The following IL6R variants were observed in gnomAD, a reference collection of about 807,000 sequenced individuals.
The protein encoded by IL6R is interleukin-6 receptor subunit alpha.
A neutral mutation model predicts 48.3 loss-of-function variants in IL6R; 38 were observed. That is an observed-to-expected ratio of 0.79 (90% CI 0.61 to 1.03). The LOEUF (loss-of-function observed/expected upper bound fraction) is 1.03, where lower values mean the gene tolerates loss of function less well. Among genes scored for constraint, IL6R ranks in the 50% least tolerant of loss-of-function variants. IL6R has a pLI of 0.00. For missense variants in IL6R, 534 were observed against 618.3 expected (o/e 0.86, Z 1.45); for synonymous variants, 264 against 256.2 (o/e 1.03, Z -0.29).
chr1:154,435,627 G>T (rs1358266661), intron 5 of IL6R, among the ~76,000 whole-genome samples: 2 of 152,194 alleles, frequency 1.3e-5, no homozygotes, highest in African/African-American at 4.8e-5. Context: ...AGCCTTGGTG[G>T]TATATCATTT....
At position 154,465,257 on chromosome 1, in the gene IL6R, C is replaced by T; in HGVS notation, c.1284C>T (p.Ile428=). ...CCACCCCAGTGCTTGTTCCTCTCAT[C>T]TCCCCACCGGTGTCCCCCAGCAGCC... ...PRPTPVLVPL[I]SPPVSPSSLG... Residue 428 remains isoleucine, a synonymous_variant, in exon 10 of 10, where the codon ATC becomes ATT. Coordinates refer to ENST00000368485, the MANE Select transcript of IL6R (RefSeq NM_000565.4). 1 of 1,614,210 alleles carries T rather than the reference C, an allele frequency of 6.2e-7. No individual in the cohort carries two copies. Among genetic ancestry groups the T allele is most frequent in the Non-Finnish European group, 8.5e-7 (1 of 1,180,036 alleles).
chr1:154,447,933 C>T (rs184399997), intron 6 of IL6R, among the ~76,000 whole-genome samples, 192 bp from the exon 7 acceptor site: 15 of 152,156 alleles, frequency 9.9e-5, no homozygotes, highest in African/African-American at 3.6e-4. Flanking sequence ...AGGGTGGTCT[C>T]GAACTCCTAA....
intron 8 of IL6R, among the ~76,000 whole-genome samples, chr1:154,452,036 G>A (rs906047871): frequency 2.0e-5 from 3 of 152,034 alleles, no homozygotes; most frequent in African/African-American, 7.2e-5. Context: ...GCTTTGAGAC[G>A]TATCTAGGAA....
Position 154,442,141 on chromosome 1 carries a change from G to A in IL6R, c.950-5984G>A, listed in dbSNP as rs186033375. Among the ~76,000 whole-genome samples, 126 of 152,168 alleles carry A rather than the reference G, an allele frequency of 8.3e-4. 2 individuals carry two copies. The highest frequency in any genetic ancestry group is 2.8e-3 in the African/African-American group (116 of 41,516). Reference sequence around the variant, plus strand: ...GAAGTAGAGTGGGTGGTTTGAGAAAGCTTTCCTGGTGGTTTTAGTATGTGC... The same window carrying A: ...GAAGTAGAGTGGGTGGTTTGAGAAAACTTTCCTGGTGGTTTTAGTATGTGC... On this transcript the variant is annotated intron_variant, in intron 6 of 9. Transcript: ENST00000368485.
At chr1:154,430,026 C>T (rs764694529) in intron 2 of IL6R, among the ~76,000 whole-genome samples, 1 of 152,168 alleles carries the variant, frequency 6.6e-6, no homozygotes. Context: ...GCACTTTCTT[C>T]CTTGTATCTC....
intron 2 of IL6R, among the ~76,000 whole-genome samples, chr1:154,430,027 C>T (rs1689197864): frequency 6.6e-6 from 1 of 152,130 alleles, no homozygotes; most frequent in South Asian, 2.1e-4. Flanking sequence ...CACTTTCTTC[C>T]TTGTATCTCT....
chr1:154,435,190 G>A (rs530456557), intron 5 of IL6R, 34 bp downstream of exon 5: 14 of 1,597,952 alleles, frequency 8.8e-6, no homozygotes, highest in Middle Eastern at 1.7e-4. Flanking sequence ...TCAGAGAGGC[G>A]CCCCTAGATG....
intron 4 of IL6R, 93 bp from the exon 5 acceptor site, chr1:154,434,897 G>A: frequency 7.2e-7 from 1 of 1,394,456 alleles, no homozygotes; most frequent in Non-Finnish European, 9.9e-7. Context: ...GAACGGGGCT[G>A]GGTGGGGCCC....
At chr1:154,447,476 T>TATATATATATATACACACACACAC (rs1424013885) in intron 6 of IL6R, among the ~76,000 whole-genome samples, 2 of 68,836 alleles carry the variant, frequency 2.9e-5, no homozygotes, top group African/African-American at 1.1e-4. Context: ...TATATATATA[T>TATATATATATATACACACACACAC]ACACACACAC....
intron 2 of IL6R, 57 bp from the exon 3 acceptor site, chr1:154,430,426 T>C (rs1689228265): frequency 6.3e-7 from 1 of 1,593,892 alleles, no homozygotes; most frequent in African/African-American, 1.4e-5. Context: ...GTCTGCGAGG[T>C]CAGTGCGCCC....
Position 154,468,394 on chromosome 1 carries a change from A to G in IL6R, c.*3014A>G, listed in dbSNP as rs541095733. ...CCATTTAGGTTAAATACGACAGCTT[A>G]TCCTGCTGGGTGGGGAAAGTAAAAA... On this transcript the variant is annotated 3_prime_UTR_variant, in exon 10 of 10. Transcript: ENST00000368485. 6.6e-6 allele frequency: 1 copy of G among 152,374 alleles called. No homozygotes were observed. The highest frequency in any genetic ancestry group is 2.1e-4 in the South Asian group (1 of 4,834). 9.4% of individuals were successfully genotyped at this position (152,374 alleles called of 1,614,324 possible). A position where few individuals can be genotyped will look rare whatever the true frequency, so the allele number is the denominator to read the frequency against.
chr1:154,465,023 C>T (rs894440931), intron 9 of IL6R, 111 bp from the exon 10 acceptor site: 10 of 1,291,402 alleles, frequency 7.7e-6, no homozygotes, highest in South Asian at 6.4e-5. Context: ...TGAGCCGAAA[C>T]CTGGGCGCGC....
intron 9 of IL6R, among the ~76,000 whole-genome samples, chr1:154,462,763 AC>A (rs1318787731): frequency 6.6e-6 from 1 of 152,124 alleles, no homozygotes; most frequent in African/African-American, 2.4e-5. Flanking sequence ...TGGCACCCAA[AC>A]ATTACCAATT....
At chr1:154,419,550 G>A (rs892481225) in intron 1 of IL6R, among the ~76,000 whole-genome samples, 2 of 152,194 alleles carry the variant, frequency 1.3e-5, no homozygotes, top group African/African-American at 4.8e-5. Context: ...CCAAGAAGCT[G>A]GGTTAGGCTG....
rs934253083 is a variant in IL6R at position 154,467,746 on chromosome 1, A to G, written c.*2366A>G. ...TGAGACACCATCTCTATTATGAACA[A>G]TAACAGTTAAGAAAAAAAAAGGCAG... On this transcript the variant is annotated 3_prime_UTR_variant, in exon 10 of 10. Transcript: ENST00000368485. The G allele has an allele frequency of 1.3e-5, 2 of 152,146 alleles. No homozygotes were observed. Among genetic ancestry groups the G allele is most frequent in the African/African-American group, 2.4e-5 (1 of 41,428 alleles). The allele number at this position is 152,146 out of a possible 1,614,324, so 9.4% of individuals were successfully genotyped here. A position where few individuals can be genotyped will look rare whatever the true frequency, so the allele number is the denominator to read the frequency against.
chr1:154,458,850 G>A (rs140437583), intron 9 of IL6R, among the ~76,000 whole-genome samples: 2,086 of 150,842 alleles, frequency 0.014, 54 homozygotes, highest in African/African-American at 0.048. Flanking sequence ...GCAGTGAGCC[G>A]AGATCGCGCC....
intron 3 of IL6R, among the ~76,000 whole-genome samples, chr1:154,432,051 AG>A: frequency 6.6e-6 from 1 of 152,336 alleles, no homozygotes; most frequent in African/African-American, 2.4e-5. Flanking sequence ...TGACTTCAAT[AG>A]GGTGGTTCAG....
intron 3 of IL6R, among the ~76,000 whole-genome samples, chr1:154,432,569 G>GTTTCACCATGTCA (rs1689356697): frequency 6.6e-6 from 1 of 152,094 alleles, no homozygotes; most frequent in Non-Finnish European, 1.5e-5. Context: ...TGTTAGCGGG[G>GTTTCACCATGTCA]CTGGTCTCGA....
In IL6R at chr1:154,460,253, T is replaced by TGA. The variant is rs1571013156; in HGVS notation, c.1161-4881_1161-4880insGA. Among the ~76,000 whole-genome samples, 4 of 152,278 alleles carry TGA rather than the reference T, an allele frequency of 2.6e-5. No individual in the cohort carries two copies. The East Asian group carries it at 7.7e-4, about 29-fold the overall frequency. ...GTTTCTTCTTTCTGCCCACCCTGTG[T>TGA]CCTCTCCAGCCCCCAGGCCCTGCTC... On this transcript the variant is annotated intron_variant, in intron 9 of 9. Coordinates refer to ENST00000368485, the MANE Select transcript of IL6R (RefSeq NM_000565.4).
Sources: gnomAD v4.1 joint callset for allele counts (sites outside exome capture counted in the v4.1 genomes callset) on GRCh38, gnomAD v4.1.1 for gene constraint, MANE v1.5 for transcripts, NCBI Gene and HGNC (gene_info 2026-07-23, HGNC 2026-07-21) for gene names.